TSPEAR: variants seen among roughly 807,000 people sequenced by gnomAD.
The protein encoded by TSPEAR is thrombospondin-type laminin G domain and EAR repeat-containing protein.
Under a neutral mutation model 71.6 loss-of-function variants are expected in TSPEAR, and 69 were observed. The observed-to-expected ratio is 0.96, with a 90% CI of 0.79 to 1.18. TSPEAR has a LOEUF of 1.18. Ranked by LOEUF, TSPEAR falls within the 50% of genes most tolerant of loss-of-function variation. TSPEAR has a pLI of 0.00. For missense variants in TSPEAR, 971 were observed against 894.9 expected (o/e 1.09, Z -1.09); for synonymous variants, 402 against 387.2 (o/e 1.04, Z -0.45).
chr21:44,577,989 T>C (rs1978572381), intron 1 of TSPEAR, among the ~76,000 whole-genome samples: 1 of 152,212 alleles, frequency 6.6e-6, no homozygotes. Flanking sequence ...CAAGATCTGA[T>C]GGTTTTATAC....
At chr21:44,668,765 G>C (rs1985913450) in intron 1 of TSPEAR, among the ~76,000 whole-genome samples, 2 of 152,296 alleles carry the variant, frequency 1.3e-5, no homozygotes, top group South Asian at 4.1e-4. Context: ...TTTCGGCAAG[G>C]CTGTCAAGAC....
At chr21:44,521,788 G>T in intron 9 of TSPEAR, 95 bp downstream of exon 9, 1 of 1,231,458 alleles carries the variant, frequency 8.1e-7, no homozygotes, top group Non-Finnish European at 1.2e-6. Context: ...TTTGGCTCTC[G>T]GTGGACCCCC....
At chr21:44,701,192 G>A (rs548235548) in intron 1 of TSPEAR, among the ~76,000 whole-genome samples, 3 of 152,344 alleles carry the variant, frequency 2.0e-5, no homozygotes, top group South Asian at 2.1e-4. Context: ...TAGGGACAGC[G>A]CGGAGTGGTC....
At chr21:44,702,811 C>A in intron 1 of TSPEAR, 1 of 1,151,224 alleles carries the variant, frequency 8.7e-7, no homozygotes, top group Non-Finnish European at 1.3e-6. Flanking sequence ...ACGGGCACGT[C>A]CCCCAGGGCC....
rs1160201795 is a variant in TSPEAR at position 44,557,946 on chromosome 21, C to A, written c.303+9839G>T. On this transcript the variant is annotated intron_variant, in intron 2 of 11. Coordinates refer to ENST00000323084, the MANE Select transcript of TSPEAR (RefSeq NM_144991.3). ...AGCTCAGCATTGCTGGCTGGAGGTGCAGTGGCTATGGGCAGAGGAGACTCA... is the reference window on the plus strand; with the variant it reads ...AGCTCAGCATTGCTGGCTGGAGGTGAAGTGGCTATGGGCAGAGGAGACTCA... 6 of 1,308,414 alleles carry A rather than the reference C, an allele frequency of 4.6e-6. No individual in the cohort carries two copies. The East Asian group carries it at 1.2e-4, about 26-fold the overall frequency. 81.1% of individuals were successfully genotyped at this position (1,308,414 alleles called of 1,614,324 possible).
intron 1 of TSPEAR, among the ~76,000 whole-genome samples, chr21:44,696,660 TC>T (rs1555950545): frequency 6.6e-6 from 1 of 152,172 alleles, no homozygotes; most frequent in Non-Finnish European, 1.5e-5. Flanking sequence ...AAGAAAAACA[TC>T]CTTGACTCAA....
In TSPEAR at chr21:44,654,442, G is replaced by T. The variant is rs782440850; in HGVS notation, c.82+56991C>A. 9 of 1,614,090 alleles carry T rather than the reference G, an allele frequency of 5.6e-6. No homozygotes were observed. The African/African-American group carries it at 9.3e-5, about 17-fold the overall frequency. On this transcript the variant is annotated intron_variant, in intron 1 of 11. Transcript: ENST00000323084. ...GCAGGGGCTGGGCACACAGCAGGCT[G>T]GCTGGCAGCAGGTGGATACCCCACA...
chr21:44,594,382 G>A (rs372256142), intron 1 of TSPEAR, among the ~76,000 whole-genome samples: 1 of 152,186 alleles, frequency 6.6e-6, no homozygotes, highest in Non-Finnish European at 1.5e-5. Flanking sequence ...CTCAGGCTGC[G>A]AGGAACTGGG....
At chr21:44,556,688 C>T (rs1051418625) in intron 2 of TSPEAR, among the ~76,000 whole-genome samples, 17 of 152,154 alleles carry the variant, frequency 1.1e-4, no homozygotes, top group Non-Finnish European at 2.2e-4. Flanking sequence ...CCAGACTCCG[C>T]CTAAAAAATA....
intron 1 of TSPEAR, chr21:44,697,541 T>G (rs928065893): frequency 1.2e-6 from 2 of 1,613,824 alleles, no homozygotes. Flanking sequence ...CAAGACTGTC[T>G]GCTGCAAGCC....
At chr21:44,648,734 C>T (rs965713551) in intron 1 of TSPEAR, among the ~76,000 whole-genome samples, 1 of 152,146 alleles carries the variant, frequency 6.6e-6, no homozygotes, top group Non-Finnish European at 1.5e-5. Flanking sequence ...TTCAGCCTCC[C>T]GATGGCTCCC....
chr21:44,658,306 AT>A (rs1555943020), intron 1 of TSPEAR: 3 of 1,585,020 alleles, frequency 1.9e-6, no homozygotes, highest in South Asian at 2.2e-5. Flanking sequence ...ACACACCTGT[AT>A]CCCTCCGTGA....
chr21:44,627,198 C>A (rs781892956), intron 1 of TSPEAR: 3 of 1,612,948 alleles, frequency 1.9e-6, no homozygotes, highest in Non-Finnish European at 2.5e-6. Flanking sequence ...TGTCCATCCG[C>A]TCCAGCGCTT....
At chr21:44,540,741 A>G (rs925935747) in intron 2 of TSPEAR, among the ~76,000 whole-genome samples, 7 of 152,206 alleles carry the variant, frequency 4.6e-5, no homozygotes, top group African/African-American at 1.7e-4. Context: ...TGAAGAAATT[A>G]GAGCCCCAAA....
chr21:44,526,179 C>T (rs587625974), intron 7 of TSPEAR, among the ~76,000 whole-genome samples: 2 of 152,316 alleles, frequency 1.3e-5, no homozygotes, highest in South Asian at 4.1e-4. Flanking sequence ...ACCAGAAAAA[C>T]GCATCACAAC....
At chr21:44,629,837 A>G (rs1224613765) in intron 1 of TSPEAR, among the ~76,000 whole-genome samples, 2 of 152,104 alleles carry the variant, frequency 1.3e-5, no homozygotes, top group Admixed American at 6.5e-5. Context: ...CATAAGGGGA[A>G]CTCTCACTGG....
At chr21:44,707,311 G>GT (rs34405625) in intron 1 of TSPEAR, among the ~76,000 whole-genome samples, 1 of 151,754 alleles carries the variant, frequency 6.6e-6, no homozygotes, top group East Asian at 1.9e-4. Context: ...GTGGGGGGGG[G>GT]TGCGGGGAGA....
At chr21:44,601,575 G>A in intron 1 of TSPEAR, 1 of 1,613,344 alleles carries the variant, frequency 6.2e-7, no homozygotes, top group Non-Finnish European at 8.5e-7. Flanking sequence ...CCGTGTGCAG[G>A]CCCGCCTGCT....
chr21:44,563,714 T>C (rs1555921423), intron 2 of TSPEAR, among the ~76,000 whole-genome samples: 2 of 152,166 alleles, frequency 1.3e-5, no homozygotes, highest in African/African-American at 4.8e-5. Context: ...TCATTGCAAA[T>C]ACTGAATTAG....
Sources: gnomAD v4.1 joint callset for allele counts (sites outside exome capture counted in the v4.1 genomes callset) on GRCh38, gnomAD v4.1.1 for gene constraint, MANE v1.5 for transcripts, NCBI Gene and HGNC (gene_info 2026-07-23, HGNC 2026-07-21) for gene names.